Variants in ALG6 observed in about 807,000 individuals in gnomAD.
ALG6 encodes the protein dolichyl pyrophosphate Man9GlcNAc2 alpha-1,3-glucosyltransferase.
In ALG6, 46 loss-of-function variants were observed where a neutral mutation model predicts 66.6. The ratio of observed to expected loss-of-function variants is 0.69; its 90% CI spans 0.55 to 0.88. The LOEUF (loss-of-function observed/expected upper bound fraction) is 0.88, where lower values mean the gene tolerates loss of function less well. Ranked by LOEUF, ALG6 falls within the 40% of genes least tolerant of loss-of-function variation. The pLI is 0.00. For missense variants in ALG6, 505 were observed against 586.8 expected, an observed-to-expected ratio of 0.86 and a Z score of 1.44; for synonymous variants, 185 against 203.7, an observed-to-expected ratio of 0.91 and a Z score of 0.78.
In ALG6 at chr1:63,436,971, T is replaced by C; in HGVS notation, c.1475T>C (p.Ile492Thr). 1 of 1,613,670 alleles carries C rather than the reference T, an allele frequency of 6.2e-7. No homozygotes were observed. Reference protein sequence around the residue: ...FLFFLVYFNIIIMWDSKSGRN... With the variant: ...FLFFLVYFNITIMWDSKSGRN... ...TTCTTCTTGGTATACTTTAACATTA[T>C]TATTATGTGGGATTCCAAAAGTGGA... Residue 492 changes from isoleucine (I) to threonine (T), a missense_variant, in exon 15 of 15, where the codon ATT becomes ACT. Coordinates refer to ENST00000263440, the MANE Select transcript of ALG6 (RefSeq NM_013339.4).
At chr1:63,378,445 G>C (rs936685072) in intron 2 of ALG6, among the ~76,000 whole-genome samples, 1 of 152,052 alleles carries the variant, frequency 6.6e-6, no homozygotes, top group Admixed American at 6.6e-5. Flanking sequence ...TGTGATTTCT[G>C]TCTCTAAGGA....
At chr1:63,376,964 G>A (rs1648153115) in intron 2 of ALG6, among the ~76,000 whole-genome samples, 1 of 151,844 alleles carries the variant, frequency 6.6e-6, no homozygotes, top group South Asian at 2.1e-4. Flanking sequence ...AGGTGATTTA[G>A]AATTGTTTTT....
intron 2 of ALG6, among the ~76,000 whole-genome samples, chr1:63,390,473 G>A (rs1648636734): frequency 6.6e-6 from 1 of 152,152 alleles, no homozygotes; most frequent in Non-Finnish European, 1.5e-5. Context: ...GGTTGAGGGA[G>A]GGGTGATGCA....
At chr1:63,412,121 G>T (rs1319751846) in intron 9 of ALG6, 60 bp downstream of exon 9, 2 of 1,609,086 alleles carry the variant, frequency 1.2e-6, no homozygotes, top group Non-Finnish European at 1.7e-6. Flanking sequence ...ACCTTTAGGG[G>T]TTTCATGTAG....
intron 2 of ALG6, among the ~76,000 whole-genome samples, chr1:63,387,698 C>T (rs767324350): frequency 3.3e-5 from 5 of 151,680 alleles, no homozygotes; most frequent in Admixed American, 6.6e-5. Context: ...TGCACCACCA[C>T]GCCCAGCTAA....
chr1:63,371,086 A>G (rs1647910858), intron 2 of ALG6, 27 bp downstream of exon 2: 4 of 1,538,906 alleles, frequency 2.6e-6, no homozygotes, highest in East Asian at 4.5e-5. Flanking sequence ...GGTTAAAAAA[A>G]AAACGAAATT....
At chr1:63,429,193 A>G (rs1644632873) in intron 14 of ALG6, 67 bp downstream of exon 14, 3 of 1,182,912 alleles carry the variant, frequency 2.5e-6, no homozygotes, top group Non-Finnish European at 3.6e-6. Context: ...TTATTGAAGT[A>G]GTGATTTTCT....
chr1:63,412,651 T>C (rs1357554284), intron 9 of ALG6, among the ~76,000 whole-genome samples: 1 of 152,124 alleles, frequency 6.6e-6, no homozygotes, highest in Non-Finnish European at 1.5e-5. Context: ...ATATATAACC[T>C]TCATCCATAG....
At chr1:63,398,718 G>A (rs185788162) in intron 3 of ALG6, among the ~76,000 whole-genome samples, 22 of 152,026 alleles carry the variant, frequency 1.4e-4, no homozygotes, top group Admixed American at 1.0e-3. Context: ...CTCGTGATCC[G>A]CCCATCTCGG....
chr1:63,370,448 G>C (rs1647875935), intron 1 of ALG6, among the ~76,000 whole-genome samples: 1 of 152,148 alleles, frequency 6.6e-6, no homozygotes, highest in Non-Finnish European at 1.5e-5. Flanking sequence ...TTTACCTGTA[G>C]GTGAATGTGT....
chr1:63,409,852 G>T (rs1644507723), intron 7 of ALG6, among the ~76,000 whole-genome samples: 1 of 152,000 alleles, frequency 6.6e-6, no homozygotes, highest in Non-Finnish European at 1.5e-5. Context: ...AATGTGGAGG[G>T]GTTTGCATTA....
chr1:63,374,143 A>G (rs1373354099), intron 2 of ALG6, among the ~76,000 whole-genome samples: 4 of 152,202 alleles, frequency 2.6e-5, no homozygotes, highest in South Asian at 2.1e-4. Context: ...TAATTCCACA[A>G]TCAGTGCTCT....
chr1:63,404,741 A>G (rs189052644), intron 5 of ALG6, among the ~76,000 whole-genome samples, 200 bp downstream of exon 5: 1 of 152,164 alleles, frequency 6.6e-6, no homozygotes, highest in African/African-American at 2.4e-5. Context: ...GTAGAAAGGA[A>G]TAATTCTGGG....
chr1:63,425,184 A>G (rs1644608651), intron 12 of ALG6, among the ~76,000 whole-genome samples: 1 of 152,180 alleles, frequency 6.6e-6, no homozygotes, highest in Non-Finnish European at 1.5e-5. Flanking sequence ...AAATGGGGTC[A>G]AGATAGGTTT....
chr1:63,384,551 G>T (rs1648440166), intron 2 of ALG6, among the ~76,000 whole-genome samples: 1 of 152,142 alleles, frequency 6.6e-6, no homozygotes, highest in African/African-American at 2.4e-5. Flanking sequence ...TATTACTCAA[G>T]AAATTTTTGC....
At chr1:63,421,839 C>T (rs184923637) in intron 12 of ALG6, among the ~76,000 whole-genome samples, 3 of 146,710 alleles carry the variant, frequency 2.0e-5, no homozygotes, top group Non-Finnish European at 4.5e-5. Flanking sequence ...CACATGGAAA[C>T]GGAAGGGAAC....
intron 9 of ALG6, 21 bp downstream of exon 9, chr1:63,412,082 C>T (rs1466000871): frequency 6.2e-7 from 1 of 1,613,898 alleles, no homozygotes; most frequent in East Asian, 2.2e-5. Flanking sequence ...ACACTTTCCT[C>T]TCCTTTCTGT....
intron 4 of ALG6, 46 bp downstream of exon 4, chr1:63,402,389 G>C: frequency 7.6e-7 from 1 of 1,307,310 alleles, no homozygotes; most frequent in African/African-American, 1.5e-5. Context: ...TATGCCCTTG[G>C]CAGATTTAGT....
chr1:63,398,070 G>A (rs555724048), intron 3 of ALG6, among the ~76,000 whole-genome samples: 1 of 152,226 alleles, frequency 6.6e-6, no homozygotes, highest in South Asian at 2.1e-4. Context: ...ATGGTTGGTA[G>A]GTTATTCTCT....
Sources: allele counts gnomAD v4.1 joint callset (sites outside exome capture counted in the v4.1 genomes callset), GRCh38; gene constraint gnomAD v4.1.1; transcripts MANE v1.5; gene names NCBI Gene and HGNC (gene_info 2026-07-23, HGNC 2026-07-21).